DHX37: variants seen among roughly 807,000 people sequenced by gnomAD.
The protein encoded by DHX37 is DEAH-box helicase 37.
Under a neutral mutation model 134.3 loss-of-function variants are expected in DHX37, and 52 were observed. That is an observed-to-expected ratio of 0.39 (90% CI 0.31 to 0.49). The LOEUF (loss-of-function observed/expected upper bound fraction) is 0.49, where lower values mean the gene tolerates loss of function less well. Ranked by LOEUF, DHX37 falls within the 20% of genes least tolerant of loss-of-function variation. The pLI is 0.93. For missense variants in DHX37, 1,344 were observed against 1,580.8 expected (o/e 0.85, Z 2.54); for synonymous variants, 634 against 670.7 (o/e 0.95, Z 0.85).
In DHX37 at chr12:124,989,094, T is replaced by C. The variant is rs1397601678; in HGVS notation, c.-72A>G. The C allele has an allele frequency of 1.1e-5, 12 of 1,054,724 alleles. No homozygotes were observed. The highest frequency in any genetic ancestry group is 1.5e-5 in the Non-Finnish European group (12 of 812,072). 65.3% of individuals were successfully genotyped at this position (1,054,724 alleles called of 1,614,324 possible). ...AATCCGAAACCCAGCCCACGTGGGTTCCCAGACCACCAACTCCGGCCGTGA... is the reference window on the plus strand; with the variant it reads ...AATCCGAAACCCAGCCCACGTGGGTCCCCAGACCACCAACTCCGGCCGTGA... On this transcript the variant is annotated 5_prime_UTR_variant, in exon 1 of 27. Transcript: ENST00000308736.
At chr12:124,970,042 G>A (rs1174003322) in intron 8 of DHX37, among the ~76,000 whole-genome samples, 1 of 152,182 alleles carries the variant, frequency 6.6e-6, no homozygotes, top group Non-Finnish European at 1.5e-5. Context: ...GCGCGATCGC[G>A]GCTCACTGCA....
At chr12:124,965,844 G>A in intron 12 of DHX37, 32 bp from the exon 13 acceptor site, 1 of 1,601,764 alleles carries the variant, frequency 6.2e-7, no homozygotes, top group Non-Finnish European at 8.5e-7. Flanking sequence ...CACCTGGGCT[G>A]CAGGGATCCT....
chr12:124,985,320 C>T (rs1954844823), intron 2 of DHX37, among the ~76,000 whole-genome samples: 1 of 152,098 alleles, frequency 6.6e-6, no homozygotes, highest in Admixed American at 6.6e-5. Context: ...AGGGGCTGAT[C>T]AATGTTGGAG....
chr12:124,950,812 G>A lies in DHX37; in HGVS notation c.2869-8C>T. ...GTCGTCGAGGAGAGGGGTCTGCAGA[G>A]AATGGAGAGTGATGTGGTCAGGGAA... On this transcript the variant is annotated splice_region_variant and splice_polypyrimidine_tract_variant and intron_variant, in intron 21 of 26. Transcript: ENST00000308736. 3 of 1,598,240 alleles carry A rather than the reference G, an allele frequency of 1.9e-6. No individual in the cohort carries two copies. Among genetic ancestry groups the A allele is most frequent in the Non-Finnish European group, 2.6e-6 (3 of 1,175,340 alleles).
intron 15 of DHX37, among the ~76,000 whole-genome samples, chr12:124,961,293 C>G (rs865830613): frequency 1.4e-5 from 2 of 142,596 alleles, no homozygotes; most frequent in Non-Finnish European, 3.0e-5. Context: ...CACACTTACA[C>G]GCGTGCACGC....
At chr12:124,972,966 CA>C (rs1954550111) in intron 6 of DHX37, among the ~76,000 whole-genome samples, 1 of 152,162 alleles carries the variant, frequency 6.6e-6, no homozygotes, top group Non-Finnish European at 1.5e-5. Flanking sequence ...ATGTGTTTCA[CA>C]AAAAGTCCTT....
At chr12:124,982,001 T>A (rs1006873435) in intron 3 of DHX37, among the ~76,000 whole-genome samples, 6 of 151,614 alleles carry the variant, frequency 4.0e-5, no homozygotes, top group African/African-American at 1.5e-4. Context: ...TGCATGCCTG[T>A]AATCCCAGCT....
At chr12:124,985,128 C>A (rs1251291512) in intron 2 of DHX37, among the ~76,000 whole-genome samples, 1 of 152,182 alleles carries the variant, frequency 6.6e-6, no homozygotes, top group East Asian at 1.9e-4. Flanking sequence ...ATACCTTGAT[C>A]TCGGACTTCT....
Position 124,947,882 on chromosome 12 carries a change from G to T in DHX37, c.3394C>A (p.Leu1132Met), listed in dbSNP as rs757711097. The T allele has an allele frequency of 3.7e-6, 6 of 1,609,844 alleles. No individual in the cohort carries two copies. The African/African-American group carries it at 8.0e-5, about 21-fold the overall frequency. ...AAWKKNPKYL[L>M]AEYCEWLPQA... ...GGAAGCCACTCACAGTACTCAGCCA[G>T]CAGGTCTGCAGGGGAGGGAAGGAGG... The change falls in exon 27 of 27, where the codon CTG becomes ATG. Residue 1132 changes from leucine to methionine, a missense_variant. Coordinates refer to ENST00000308736, the MANE Select transcript of DHX37 (RefSeq NM_032656.4).
chr12:124,988,826 C>T (rs901330516), intron 1 of DHX37, 91 bp downstream of exon 1: 22 of 761,702 alleles, frequency 2.9e-5, no homozygotes, highest in Non-Finnish European at 4.0e-5. Context: ...CATCCCACCC[C>T]TCTGGGATCC....
chr12:124,961,178 ATG>A lies in DHX37; in HGVS notation c.2046-757_2046-756del, dbSNP rs1345288830. Among the ~76,000 whole-genome samples, 222 of 61,848 alleles carry A rather than the reference ATG, an allele frequency of 3.6e-3. 1 individual carries two copies. The highest frequency in any genetic ancestry group is 0.017 in the Middle Eastern group (2 of 120). The allele number at this position is 61,848 out of a possible 152,430, so 40.6% of individuals were successfully genotyped here. A position where few individuals can be genotyped will look rare whatever the true frequency, so the allele number is the denominator to read the frequency against. On this transcript the variant is annotated intron_variant, in intron 15 of 26. Transcript: ENST00000308736. ...CACACACACTTACATACACGCGCGC[ATG>A]CGCGCACGCACACACACACATACAC...
chr12:124,986,510 A>G (rs1482957995), intron 1 of DHX37, among the ~76,000 whole-genome samples: 1 of 151,936 alleles, frequency 6.6e-6, no homozygotes, highest in Non-Finnish European at 1.5e-5. Context: ...CAGGAGTTCG[A>G]GACCAGCCTG....
intron 4 of DHX37, 151 bp from the exon 5 acceptor site, chr12:124,977,641 A>C: frequency 2.4e-6 from 2 of 821,516 alleles, no homozygotes; most frequent in Non-Finnish European, 3.4e-6. Context: ...ACCAGGAGCC[A>C]TGGTCCAGGA....
rs185974460 is a variant in DHX37, at chr12:124,963,559, T to C, written c.2045+835A>G. Among the ~76,000 whole-genome samples, 191 of 152,188 alleles carry C rather than the reference T, an allele frequency of 1.3e-3. 4 individuals are homozygous for C. The East Asian group carries it at 0.034, about 27-fold the overall frequency. On this transcript the variant is annotated intron_variant, in intron 15 of 26. Transcript: ENST00000308736. ...ACAAACAGCACTCAAGAGCTGCCCC[T>C]GACCTCAGTAGCAGAATAAAGAAAC...
chr12:124,958,008 A>G (rs1954136107), intron 16 of DHX37, among the ~76,000 whole-genome samples: 1 of 152,212 alleles, frequency 6.6e-6, no homozygotes, highest in Non-Finnish European at 1.5e-5. Flanking sequence ...AAGGCCACGC[A>G]TTGTAGGATT....
chr12:124,966,019 T>A (rs1954379560), intron 12 of DHX37, among the ~76,000 whole-genome samples: 1 of 152,208 alleles, frequency 6.6e-6, no homozygotes, highest in East Asian at 1.9e-4. Flanking sequence ...TCTCCCAGGC[T>A]GGTGGGAGGG....
At chr12:124,950,583 C>A (rs555181449) in intron 22 of DHX37, 33 bp from the exon 23 acceptor site, 3 of 1,546,708 alleles carry the variant, frequency 1.9e-6, no homozygotes, top group Middle Eastern at 1.7e-4. Context: ...GGGGTTACAG[C>A]GGCACCCTCC....
At chr12:124,963,314 T>C (rs986774171) in intron 15 of DHX37, among the ~76,000 whole-genome samples, 40 of 152,194 alleles carry the variant, frequency 2.6e-4, no homozygotes, top group African/African-American at 8.9e-4. Context: ...CACATCCCTA[T>C]AGACAAAAAC....
At chr12:124,951,868 A>G (rs983622090) in intron 21 of DHX37, among the ~76,000 whole-genome samples, 1 of 152,208 alleles carries the variant, frequency 6.6e-6, no homozygotes, top group Admixed American at 6.5e-5. Context: ...GCTATTTGGG[A>G]GGCTGAGGCA....
Sources: allele counts gnomAD v4.1 joint callset (sites outside exome capture counted in the v4.1 genomes callset), GRCh38; gene constraint gnomAD v4.1.1; transcripts MANE v1.5; gene names NCBI Gene and HGNC (gene_info 2026-07-23, HGNC 2026-07-21).